Variants in ARID4B observed in about 807,000 individuals in gnomAD.
ARID4B encodes AT-rich interactive domain-containing protein 4B.
In ARID4B, 26 loss-of-function variants were observed where a neutral mutation model predicts 147.5. The ratio of observed to expected loss-of-function variants is 0.18; its 90% CI spans 0.13 to 0.24. The LOEUF is 0.24. ARID4B is among the 10% of genes least tolerant of loss of function. The pLI is 1.00. For synonymous variants in ARID4B, 512 were observed against 507.9 expected, an observed-to-expected ratio of 1.01 and a Z score of -0.11; for missense variants, 1,179 against 1,511.5, an observed-to-expected ratio of 0.78 and a Z score of 3.65.
intron 17 of ARID4B, among the ~76,000 whole-genome samples, chr1:235,211,328 T>TGGAAGGAA (rs1558205971): frequency 6.6e-6 from 1 of 151,620 alleles, no homozygotes; most frequent in African/African-American, 2.4e-5. Flanking sequence ...TGAAACTCCG[T>TGGAAGGAA]GGAAGGAAGG....
At chr1:235,312,659 A>G (rs76332907) in intron 2 of ARID4B, among the ~76,000 whole-genome samples, 150 of 152,128 alleles carry the variant, frequency 9.9e-4, no homozygotes, top group African/African-American at 3.5e-3. Flanking sequence ...ACACTTTAGC[A>G]AAGAATATTC....
intron 2 of ARID4B, among the ~76,000 whole-genome samples, chr1:235,280,352 T>C (rs892809847): frequency 2.0e-5 from 3 of 152,218 alleles, no homozygotes; most frequent in African/African-American, 7.2e-5. Context: ...CCAAGGGAAA[T>C]TGGTATGTTG....
intron 2 of ARID4B, among the ~76,000 whole-genome samples, chr1:235,315,332 A>C (rs1307260534): frequency 6.6e-6 from 1 of 152,162 alleles, no homozygotes; most frequent in Non-Finnish European, 1.5e-5. Flanking sequence ...TGGGTGACTG[A>C]GGTAGGAAGA....
At chr1:235,202,945 C>T (rs12092935) in intron 17 of ARID4B, among the ~76,000 whole-genome samples, 6,083 of 152,214 alleles carry the variant, frequency 0.04, 454 homozygotes, top group African/African-American at 0.14. Context: ...TATGTAATAA[C>T]AGAGTCTGCT....
At chr1:235,195,647 AAAGAAG>A (rs572443014) in intron 18 of ARID4B, among the ~76,000 whole-genome samples, 4 of 152,300 alleles carry the variant, frequency 2.6e-5, no homozygotes, top group African/African-American at 9.6e-5. Flanking sequence ...ATAATCAGAT[AAAGAAG>A]AAGAGAAAAA....
At chr1:235,217,437 C>CACATACAT (rs3835402) in intron 16 of ARID4B, among the ~76,000 whole-genome samples, 21 of 151,732 alleles carry the variant, frequency 1.4e-4, no homozygotes, top group Non-Finnish European at 2.2e-4. Context: ...TACATACACT[C>CACATACAT]ACATACATAC....
intron 12 of ARID4B, among the ~76,000 whole-genome samples, chr1:235,223,656 TC>T (rs1667644405): frequency 6.7e-6 from 1 of 148,558 alleles, no homozygotes; most frequent in South Asian, 2.2e-4. Flanking sequence ...TTACTACTAC[TC>T]TAAATAATGA....
chr1:235,181,033 T>C (rs2102921596), intron 20 of ARID4B: 1 of 792,872 alleles, frequency 1.3e-6, no homozygotes, highest in Non-Finnish European at 1.5e-6. Context: ...TTGGAAGCTA[T>C]GCATCTAAGA....
chr1:235,217,900 C>T lies in ARID4B; in HGVS notation c.1583+1893G>A, dbSNP rs192667400. Among the ~76,000 whole-genome samples, 314 of 152,232 alleles carry T rather than the reference C, an allele frequency of 2.1e-3. 2 individuals carry two copies. The highest frequency in any genetic ancestry group is 7.2e-3 in the African/African-American group (301 of 41,530). On this transcript the variant is annotated intron_variant, in intron 16 of 23. Transcript: ENST00000264183. ...AAGATCCCCAGTGGATGCCTGAAAC[C>T]GTGGATAGTACCAAACCTTATATAT...
At chr1:235,240,706 G>A (rs1304591232) in intron 7 of ARID4B, among the ~76,000 whole-genome samples, 1 of 152,048 alleles carries the variant, frequency 6.6e-6, no homozygotes, top group African/African-American at 2.4e-5. Flanking sequence ...GGAAGATCAG[G>A]ACAAATAACT....
intron 19 of ARID4B, among the ~76,000 whole-genome samples, chr1:235,193,639 C>T (rs1345215464): frequency 6.6e-6 from 1 of 152,108 alleles, no homozygotes; most frequent in African/African-American, 2.4e-5. Flanking sequence ...AAATTTGAGG[C>T]CTCAATCAAT....
chr1:235,309,386 C>T (rs1302638809), intron 2 of ARID4B, among the ~76,000 whole-genome samples: 8 of 150,332 alleles, frequency 5.3e-5, no homozygotes, highest in Non-Finnish European at 1.0e-4. Context: ...AAGTGAGGAG[C>T]GTCTCTGCCC....
intron 6 of ARID4B, among the ~76,000 whole-genome samples, chr1:235,248,732 C>A (rs184973144): frequency 6.6e-6 from 1 of 152,164 alleles, no homozygotes; most frequent in Non-Finnish European, 1.5e-5. Context: ...CTCCCTAGTA[C>A]ATAACAAGAA....
intron 2 of ARID4B, among the ~76,000 whole-genome samples, chr1:235,319,090 G>T (rs992092732): frequency 1.3e-5 from 2 of 151,990 alleles, no homozygotes; most frequent in South Asian, 4.2e-4. Flanking sequence ...AGAGTTCAAG[G>T]CCAGCCTAGG....
chr1:235,227,604 C>G (rs921795594), intron 11 of ARID4B, among the ~76,000 whole-genome samples: 1 of 152,148 alleles, frequency 6.6e-6, no homozygotes, highest in African/African-American at 2.4e-5. Flanking sequence ...CCTTCACTAT[C>G]TGCACCACTC....
At chr1:235,265,696 CA>C (rs11287519) in intron 2 of ARID4B, among the ~76,000 whole-genome samples, 68,980 of 145,426 alleles carry the variant, frequency 0.47, 16,171 homozygotes, top group South Asian at 0.61. Context: ...GACCTTGTCT[CA>C]AAAAAAAAAG....
intron 2 of ARID4B, among the ~76,000 whole-genome samples, chr1:235,276,190 C>CAAA (rs1190767913): frequency 1.1e-4 from 6 of 56,008 alleles, no homozygotes; most frequent in East Asian, 6.1e-4. Context: ...ACATACGAAG[C>CAAA]AAAAAAAAAA....
At chr1:235,295,810 A>T (rs767806668) in intron 2 of ARID4B, 1 of 143,124 alleles carries the variant, frequency 7.0e-6, no homozygotes, top group Non-Finnish European at 1.5e-5. Context: ...ACTACGTCCC[A>T]AAAAAAAAAA....
chr1:235,242,960 A>G (rs1473933724), intron 7 of ARID4B, among the ~76,000 whole-genome samples: 6 of 152,014 alleles, frequency 3.9e-5, no homozygotes, highest in African/African-American at 1.4e-4. Flanking sequence ...CTTTTATCAT[A>G]CTATATAATT....
Sources: gnomAD v4.1 joint callset for allele counts (sites outside exome capture counted in the v4.1 genomes callset) on GRCh38, gnomAD v4.1.1 for gene constraint, MANE v1.5 for transcripts, NCBI Gene and HGNC (gene_info 2026-07-23, HGNC 2026-07-21) for gene names.